Variants in PLCE1 observed in about 807,000 individuals in gnomAD.
PLCE1 encodes phospholipase C epsilon 1.
Under a neutral mutation model 242.8 loss-of-function variants are expected in PLCE1, and 119 were observed. The observed-to-expected ratio is 0.49, with a 90% confidence interval of 0.42 to 0.57. The LOEUF is 0.57. Ranked by LOEUF, PLCE1 falls within the 20% of genes least tolerant of loss-of-function variation. The pLI is 0.00. For synonymous variants in PLCE1, 945 were observed against 1,017.4 expected (o/e 0.93, Z 1.35); for missense variants, 2,441 against 2,788.8 (o/e 0.88, Z 2.81).
chr10:94,229,008 C>A (rs950202166), intron 5 of PLCE1, among the ~76,000 whole-genome samples: 1 of 151,720 alleles, frequency 6.6e-6, no homozygotes, highest in Non-Finnish European at 1.5e-5. Context: ...ATGGTAAAAC[C>A]CCATCTCTAC....
chr10:94,231,746 C>T (rs1294899515), intron 5 of PLCE1, among the ~76,000 whole-genome samples: 1 of 152,128 alleles, frequency 6.6e-6, no homozygotes, highest in African/African-American at 2.4e-5. Flanking sequence ...GATCATCAGG[C>T]ATTAGATTCT....
At chr10:94,281,480 T>C (rs1448147922) in intron 20 of PLCE1, among the ~76,000 whole-genome samples, 1 of 152,114 alleles carries the variant, frequency 6.6e-6, no homozygotes, top group Non-Finnish European at 1.5e-5. Flanking sequence ...ATTTGGGAAA[T>C]TTAGTCCTAT....
Position 94,308,620 on chromosome 10 carries a change from T to C in PLCE1, c.5924T>C (p.Val1975Ala). The C allele has an allele frequency of 6.2e-7, 1 of 1,613,544 alleles. No individual in the cohort carries two copies. Among genetic ancestry groups the C allele is most frequent in the Non-Finnish European group, 8.5e-7 (1 of 1,179,476 alleles). Residue 1975 changes from valine to alanine, a missense_variant, in exon 27 of 33, where the codon GTC becomes GCC. By Grantham distance (64) the Val-to-Ala change is moderately conservative. Coordinates refer to ENST00000371380, the MANE Select transcript of PLCE1 (RefSeq NM_016341.4). The part of the protein sequence containing the change: ...HLQLRNLHNE[V>A]LEISSLFINS... ...CAGCTGCGAAACCTTCACAATGAAG[T>C]CTTGGAGATTTCTAGTTTATTCATT...
At chr10:94,260,958 C>A (rs2051275529) in intron 13 of PLCE1, among the ~76,000 whole-genome samples, 1 of 152,158 alleles carries the variant, frequency 6.6e-6, no homozygotes. Context: ...TAGTGTAGTA[C>A]ATTTGTTACA....
intron 7 of PLCE1, among the ~76,000 whole-genome samples, chr10:94,238,795 T>C (rs1175545454): frequency 6.6e-6 from 1 of 152,184 alleles, no homozygotes; most frequent in African/African-American, 2.4e-5. Flanking sequence ...GTTCTTATTG[T>C]CATCATTTTC....
At position 94,329,285 on chromosome 10, in the gene PLCE1, AT is replaced by A. The variant is rs951190552; in HGVS notation, c.*1346del. ...ATTCTTAGTATGAAGCAAATTATGA[AT>A]TTTAAAAATGAAATATGTATTCCTC... On this transcript the variant is annotated 3_prime_UTR_variant, in exon 33 of 33. Coordinates refer to ENST00000371380, the MANE Select transcript of PLCE1 (RefSeq NM_016341.4). 1.3e-5 allele frequency: 2 copies of A among 152,210 alleles called. No individual in the cohort carries two copies. The highest frequency in any genetic ancestry group is 4.8e-5 in the African/African-American group (2 of 41,456). 9.4% of individuals were successfully genotyped at this position (152,210 alleles called of 1,614,324 possible).
At chr10:94,164,360 C>A (rs536318068) in intron 3 of PLCE1, among the ~76,000 whole-genome samples, 3 of 152,184 alleles carry the variant, frequency 2.0e-5, no homozygotes, top group Admixed American at 6.5e-5. Flanking sequence ...TCTTTTTATT[C>A]TTTTTTCTCT....
intron 1 of PLCE1, among the ~76,000 whole-genome samples, chr10:94,015,033 C>T (rs946660949): frequency 1.3e-5 from 2 of 152,216 alleles, no homozygotes; most frequent in African/African-American, 2.4e-5. Flanking sequence ...CTTCACTTCA[C>T]CTGTGGTTCA....
intron 4 of PLCE1, among the ~76,000 whole-genome samples, chr10:94,182,771 C>T (rs1038918444): frequency 3.3e-5 from 5 of 152,170 alleles, no homozygotes; most frequent in Non-Finnish European, 7.3e-5. Context: ...CATTGTGTCT[C>T]TAGAATTTAA....
intron 24 of PLCE1, among the ~76,000 whole-genome samples, chr10:94,300,680 T>C (rs866798401): frequency 3.9e-5 from 6 of 152,238 alleles, no homozygotes; most frequent in Non-Finnish European, 4.4e-5. Flanking sequence ...ATTATCTCTG[T>C]CAGCCCCACT....
chr10:94,194,053 A>G (rs943357412), intron 4 of PLCE1, among the ~76,000 whole-genome samples: 1 of 152,244 alleles, frequency 6.6e-6, no homozygotes, highest in Admixed American at 6.5e-5. Flanking sequence ...TTAAAGTATA[A>G]TGATATTCAA....
intron 2 of PLCE1, chr10:94,104,640 C>G (rs948561943): frequency 7.2e-5 from 11 of 152,148 alleles, no homozygotes; most frequent in Non-Finnish European, 1.5e-5. Context: ...TCTTCTAAGC[C>G]ATCTAATTGA....
chr10:94,321,886 T>A lies in PLCE1; in HGVS notation c.6343-15T>A. On this transcript the variant is annotated splice_polypyrimidine_tract_variant and intron_variant, in intron 29 of 32. Coordinates refer to ENST00000371380, the MANE Select transcript of PLCE1 (RefSeq NM_016341.4). The stretch of plus-strand genomic sequence containing the variant: ...AAACCTATTATTTACTCACATTTTT[T>A]CTTTTTAAACATAGAACCTAGAAGA... 1 of 1,600,882 alleles carries A rather than the reference T, an allele frequency of 6.2e-7. No homozygotes were observed. The highest frequency in any genetic ancestry group is 1.1e-5 in the South Asian group (1 of 90,760).
chr10:94,057,266 A>T (rs575215214), intron 2 of PLCE1, among the ~76,000 whole-genome samples: 2 of 152,266 alleles, frequency 1.3e-5, no homozygotes, highest in East Asian at 3.9e-4. Flanking sequence ...TTTCGTTTTC[A>T]TAGGCTGTTT....
intron 29 of PLCE1, 134 bp from the exon 30 acceptor site, chr10:94,321,767 T>C (rs990761138): frequency 1.4e-5 from 9 of 666,500 alleles, no homozygotes; most frequent in Admixed American, 2.5e-5. Context: ...TATGAAATAA[T>C]AACATAGTAT....
At chr10:94,001,973 T>C (rs1339997866) in intron 1 of PLCE1, among the ~76,000 whole-genome samples, 2 of 152,082 alleles carry the variant, frequency 1.3e-5, no homozygotes, top group Admixed American at 6.6e-5. Flanking sequence ...ACTGTCGGGG[T>C]CTGAGTGGAT....
chr10:94,263,087 G>A (rs2051368386), intron 14 of PLCE1, among the ~76,000 whole-genome samples: 1 of 152,012 alleles, frequency 6.6e-6, no homozygotes, highest in African/African-American at 2.4e-5. Flanking sequence ...GGCCAGGATG[G>A]TCTCAATCTC....
intron 5 of PLCE1, 70 bp downstream of exon 5, chr10:94,227,521 T>G (rs1229149702): frequency 3.6e-6 from 5 of 1,401,840 alleles, no homozygotes; most frequent in Non-Finnish European, 5.1e-6. Flanking sequence ...ACTGAATTAA[T>G]TGTCCAGGGA....
intron 1 of PLCE1, among the ~76,000 whole-genome samples, chr10:94,011,866 T>A (rs1174184162): frequency 6.6e-6 from 1 of 152,174 alleles, no homozygotes; most frequent in East Asian, 1.9e-4. Context: ...TCTCTCCCTC[T>A]GGTTTTCCGC....
Sources: allele counts gnomAD v4.1 joint callset (sites outside exome capture counted in the v4.1 genomes callset), GRCh38; gene constraint gnomAD v4.1.1; transcripts MANE v1.5; gene names NCBI Gene and HGNC (gene_info 2026-07-23, HGNC 2026-07-21).